Variants in GPHN observed in about 807,000 individuals in gnomAD.
The protein encoded by GPHN is gephyrin.
GPHN carries 17 observed loss-of-function variants against 95.5 expected under a neutral mutation model. The ratio of observed to expected loss-of-function variants is 0.18; its 90% CI spans 0.12 to 0.27. GPHN has a LOEUF of 0.27. Among genes scored for constraint, GPHN ranks in the 10% least tolerant of loss-of-function variants. The probability of loss-of-function intolerance (pLI) is 1.00; values close to 1 mark genes in which losing one functional copy is unlikely to be tolerated. For synonymous variants in GPHN, 320 were observed against 322.5 expected (o/e 0.99, Z 0.08); for missense variants, 660 against 978.1 (o/e 0.67, Z 4.34).
intron 16 of GPHN, among the ~76,000 whole-genome samples, chr14:67,115,454 C>T (rs1280256088): frequency 3.3e-5 from 5 of 152,092 alleles, no homozygotes; most frequent in Non-Finnish European, 4.4e-5. Context: ...GGTTTCAGGC[C>T]GGGCATGGTT....
rs955830088 is a variant in GPHN at position 67,011,634 on chromosome 14, G to A, written c.964-11999G>A. ...GGATTGTGTTCTTTCCACATATGGG[G>A]CATATGTTGACCCGGCATTTGAATA... is the stretch of plus-strand genomic sequence containing the variant. On this transcript the variant is annotated intron_variant, in intron 9 of 22. Transcript: ENST00000478722. Among the ~76,000 whole-genome samples the A allele has an allele frequency of 1.5e-4, 22 of 150,952 alleles. No homozygotes were observed. The South Asian group carries it at 1.5e-3, about 10-fold the overall frequency.
chr14:67,581,006 G>A, the GPHN span: 2 of 1,613,066 alleles, frequency 1.2e-6, no homozygotes, highest in African/African-American at 1.3e-5. Flanking sequence ...CTGAGGGTGG[G>A]ACACGCGTCG....
chr14:66,954,218 C>T (rs1346629025), intron 8 of GPHN, among the ~76,000 whole-genome samples: 1 of 152,132 alleles, frequency 6.6e-6, no homozygotes, highest in Admixed American at 6.5e-5. Flanking sequence ...CTGTAGATAG[C>T]TTTGGGCAGT....
chr14:67,369,609 G>A, the GPHN span, among the ~76,000 whole-genome samples: 1 of 152,068 alleles, frequency 6.6e-6, no homozygotes, highest in Non-Finnish European at 1.5e-5. Flanking sequence ...TCTAAGGGTT[G>A]GAATACAAAT....
At chr14:66,545,213 C>G (rs1185669706) in intron 1 of GPHN, among the ~76,000 whole-genome samples, 1 of 147,696 alleles carries the variant, frequency 6.8e-6, no homozygotes, top group African/African-American at 2.5e-5. Flanking sequence ...GGGGGCTGAC[C>G]CCCCCACCTC....
chr14:67,710,313 G>T, the GPHN span, among the ~76,000 whole-genome samples: 1 of 152,034 alleles, frequency 6.6e-6, no homozygotes, highest in East Asian at 1.9e-4. Context: ...CACAGATGTA[G>T]TAACCTTAAT....
chr14:66,925,971 T>C (rs2153563216), intron 8 of GPHN, among the ~76,000 whole-genome samples: 1 of 152,340 alleles, frequency 6.6e-6, no homozygotes, highest in Non-Finnish European at 1.5e-5. Flanking sequence ...TATCTCATTA[T>C]AGTTTTGATT....
rs1326698425 is a variant in GPHN at position 66,997,058 on chromosome 14, T to G, written c.964-26575T>G. ...AGAAGAAAGAGTATGTACCTTGAAA[T>G]ATGACAGGTAAATAAAAGAACTTCA... On this transcript the variant is annotated intron_variant, in intron 9 of 22. Transcript: ENST00000478722. Among the ~76,000 whole-genome samples, 6 of 152,024 alleles carry G rather than the reference T, an allele frequency of 3.9e-5. No homozygotes were observed. The East Asian group carries it at 1.2e-3, about 29-fold the overall frequency.
chr14:67,061,423 T>C (rs1344763485), intron 11 of GPHN, among the ~76,000 whole-genome samples: 1 of 152,156 alleles, frequency 6.6e-6, no homozygotes, highest in Non-Finnish European at 1.5e-5. Flanking sequence ...GTTCTCCAAT[T>C]TGATGCCAAA....
rs35159325 is a variant in GPHN at position 66,932,444 on chromosome 14, GTTTTTTTTTTTTT to G, written c.828+8176_828+8188del. 4.1e-4 allele frequency among the ~76,000 whole-genome samples: 10 copies of G among 24,394 alleles called. No homozygotes were observed. The South Asian group carries it at 7.3e-3, about 18-fold the overall frequency. 16.0% of individuals were successfully genotyped at this position (24,394 alleles called of 152,430 possible). A position where few individuals can be genotyped will look rare whatever the true frequency, so the allele number is the denominator to read the frequency against. On this transcript the variant is annotated intron_variant, in intron 8 of 22. Transcript: ENST00000478722. ...AGGTGGGGAATCCTGCCAAGACCAGGTTTTTTTTTTTTTTTTTTTTTTTTTTTTTTTTTTTTCA... is the reference window on the plus strand; with the variant it reads ...AGGTGGGGAATCCTGCCAAGACCAGGTTTTTTTTTTTTTTTTTTTTTTTCA...
At chr14:67,149,217 G>A (rs931867859) in intron 18 of GPHN, among the ~76,000 whole-genome samples, 12 of 152,174 alleles carry the variant, frequency 7.9e-5, no homozygotes, top group Non-Finnish European at 1.8e-4. Context: ...GGTGGCGGGC[G>A]CCTGTAATCC....
chr14:67,485,877 C>A, the GPHN span, among the ~76,000 whole-genome samples: 1 of 152,240 alleles, frequency 6.6e-6, no homozygotes, highest in African/African-American at 2.4e-5. Context: ...GGACATGCTC[C>A]TCCAGATCCC....
chr14:67,578,531 C>A, the GPHN span: 2 of 1,601,624 alleles, frequency 1.2e-6, no homozygotes, highest in African/African-American at 1.3e-5. This position sits in a 1 kb window ranked among gnomAD's most constrained non-coding sequence, Gnocchi z 5.0. Context: ...GTGTCCCTGG[C>A]AGTGCTGGCA....
At chr14:66,755,846 T>C (rs2058536115) in intron 2 of GPHN, among the ~76,000 whole-genome samples, 1 of 152,170 alleles carries the variant, frequency 6.6e-6, no homozygotes, top group African/African-American at 2.4e-5. Flanking sequence ...TAATAGTTAA[T>C]AAGAGAGCTT....
chr14:66,887,009 A>G (rs1184915887), intron 5 of GPHN, among the ~76,000 whole-genome samples: 1 of 152,174 alleles, frequency 6.6e-6, no homozygotes, highest in Non-Finnish European at 1.5e-5. Flanking sequence ...CTTCGGAACA[A>G]CCAGGTTCTC....
the GPHN span, chr14:67,725,305 G>T: frequency 1.9e-6 from 3 of 1,587,854 alleles, no homozygotes; most frequent in Non-Finnish European, 2.6e-6. Context: ...TATGGGAGTG[G>T]CTGCTCCACC....
chr14:66,971,638 A>G (rs554729074), intron 9 of GPHN, among the ~76,000 whole-genome samples: 2 of 152,302 alleles, frequency 1.3e-5, no homozygotes, highest in South Asian at 4.1e-4. Flanking sequence ...CTTTGATACC[A>G]TACCAAAAAT....
At chr14:67,665,144 CA>C in the GPHN span, among the ~76,000 whole-genome samples, 1 of 152,168 alleles carries the variant, frequency 6.6e-6, no homozygotes, top group Non-Finnish European at 1.5e-5. Flanking sequence ...TGAGCTAGTG[CA>C]CCCGGCCAAG....
chr14:66,798,700 C>T (rs956502047), intron 3 of GPHN, among the ~76,000 whole-genome samples: 3 of 151,590 alleles, frequency 2.0e-5, no homozygotes, highest in Non-Finnish European at 3.0e-5. Context: ...TCTTCCCTCT[C>T]TCTTTTTTTC....
Sources: allele counts gnomAD v4.1 joint callset (sites outside exome capture counted in the v4.1 genomes callset), GRCh38; gene constraint gnomAD v4.1.1; non-coding constraint Gnocchi (gnomAD v3.1); transcripts MANE v1.5; gene names NCBI Gene and HGNC (gene_info 2026-07-23, HGNC 2026-07-21).